NAA16: variants seen among roughly 807,000 people sequenced by gnomAD.
NAA16 encodes NARG1-like protein.
A neutral mutation model predicts 110.3 loss-of-function variants in NAA16; 97 were observed. The observed-to-expected ratio is 0.88, with a 90% CI of 0.75 to 1.04. The LOEUF (loss-of-function observed/expected upper bound fraction) is 1.04, where lower values mean the gene tolerates loss of function less well. Ranked by LOEUF, NAA16 falls within the 50% of genes least tolerant of loss-of-function variation. The pLI is 0.00. For missense variants in NAA16, 1,017 were observed against 1,005.1 expected (o/e 1.01, Z -0.16); for synonymous variants, 372 against 330.6 (o/e 1.13, Z -1.36).
At position 41,316,904 on chromosome 13, in the gene NAA16, C is replaced by G; in HGVS notation, c.113C>G (p.Ser38Trp). ...NGLKFCKMILSNPKFAEHGET... is the reference protein window; with the variant it reads ...NGLKFCKMILWNPKFAEHGET... Reference sequence around the variant, plus strand: ...CTCAAGTTTTGCAAGATGATTCTGTCGAACCCAAAATTTGCTGAACATGGA... The same window carrying G: ...CTCAAGTTTTGCAAGATGATTCTGTGGAACCCAAAATTTGCTGAACATGGA... Residue 38 changes from serine to tryptophan, a missense_variant, in exon 2 of 20, where the codon TCG becomes TGG. Transcript: ENST00000379406. 6 of 1,613,346 alleles carry G rather than the reference C, an allele frequency of 3.7e-6. No homozygotes were observed. The highest frequency in any genetic ancestry group is 5.1e-6 in the Non-Finnish European group (6 of 1,179,468).
chr13:41,359,632 G>A (rs977062634), intron 12 of NAA16, among the ~76,000 whole-genome samples: 2 of 152,142 alleles, frequency 1.3e-5, no homozygotes, highest in Admixed American at 6.5e-5. Context: ...AGTTACTCCT[G>A]TTGGGGAAAA....
At chr13:41,352,677 A>C (rs2042868741) in intron 9 of NAA16, among the ~76,000 whole-genome samples, 1 of 152,140 alleles carries the variant, frequency 6.6e-6, no homozygotes, top group Non-Finnish European at 1.5e-5. Flanking sequence ...ATTTATGTAT[A>C]TATAAAATAT....
intron 14 of NAA16, among the ~76,000 whole-genome samples, chr13:41,367,897 T>C (rs1483814197): frequency 6.6e-6 from 1 of 152,150 alleles, no homozygotes; most frequent in Non-Finnish European, 1.5e-5. Flanking sequence ...ATTTTTGTCT[T>C]CAGAAAGACC....
At chr13:41,347,136 A>G (rs1004779458) in intron 9 of NAA16, among the ~76,000 whole-genome samples, 2 of 151,438 alleles carry the variant, frequency 1.3e-5, no homozygotes, top group Admixed American at 1.3e-4. Context: ...GAATCACTTG[A>G]ACCCAGGAGG....
chr13:41,327,890 T>C (rs1285886270), intron 6 of NAA16: 1 of 151,824 alleles, frequency 6.6e-6, no homozygotes, highest in Non-Finnish European at 1.5e-5. Flanking sequence ...GAGTGATATA[T>C]GATATAAAAA....
intron 9 of NAA16, among the ~76,000 whole-genome samples, chr13:41,349,657 T>C (rs1336635725): frequency 6.6e-6 from 1 of 152,182 alleles, no homozygotes; most frequent in East Asian, 1.9e-4. Context: ...GGTAACAGTC[T>C]GTATACTTTT....
intron 13 of NAA16, among the ~76,000 whole-genome samples, chr13:41,363,359 C>A (rs185230168): frequency 6.6e-6 from 1 of 152,086 alleles, no homozygotes; most frequent in African/African-American, 2.4e-5. Flanking sequence ...TAGGCACTTA[C>A]GAATTAGTAA....
chr13:41,364,237 A>G (rs1280553071), intron 13 of NAA16, among the ~76,000 whole-genome samples: 1 of 152,168 alleles, frequency 6.6e-6, no homozygotes, highest in African/African-American at 2.4e-5. Context: ...ATAAGTTCAA[A>G]TAAGGGTTAG....
chr13:41,369,665 A>G (rs1188253880), intron 15 of NAA16, among the ~76,000 whole-genome samples: 1 of 152,148 alleles, frequency 6.6e-6, no homozygotes, highest in Non-Finnish European at 1.5e-5. Context: ...AAGGGGCCTT[A>G]AAAGTTGAGG....
chr13:41,333,040 G>C (rs2139419813), intron 8 of NAA16, among the ~76,000 whole-genome samples: 1 of 152,164 alleles, frequency 6.6e-6, no homozygotes. Context: ...GTGTTAGTGT[G>C]CTTTTGCTGT....
chr13:41,342,790 T>C (rs1418132050), intron 9 of NAA16, among the ~76,000 whole-genome samples: 1 of 152,202 alleles, frequency 6.6e-6, no homozygotes, highest in Non-Finnish European at 1.5e-5. Context: ...ACACAACTAA[T>C]GTGTGTTGTG....
chr13:41,323,553 C>G (rs984943976), intron 5 of NAA16, among the ~76,000 whole-genome samples: 1 of 151,614 alleles, frequency 6.6e-6, no homozygotes, highest in Non-Finnish European at 1.5e-5. Flanking sequence ...AGGGTTTCAC[C>G]GTGTTAGCCA....
chr13:41,338,779 A>G (rs1000709896), intron 9 of NAA16, among the ~76,000 whole-genome samples: 4 of 152,036 alleles, frequency 2.6e-5, no homozygotes, highest in African/African-American at 7.2e-5. Context: ...AATTATTTCA[A>G]TAGATTTTGG....
rs776020801 is a variant in NAA16 at position 41,331,342 on chromosome 13, A to G, written c.880A>G (p.Arg294Gly). 3.7e-6 allele frequency: 6 copies of G among 1,608,790 alleles called. No individual in the cohort carries two copies. The highest frequency in any genetic ancestry group is 2.2e-5 in the South Asian group (2 of 90,110). Residue 294 changes from arginine (R) to glycine (G), a missense_variant, in exon 8 of 20, where the codon AGA becomes GGA. Coordinates refer to ENST00000379406, the MANE Select transcript of NAA16 (RefSeq NM_024561.5). ...GCAGCACCCCAAAGCAATTACACCCAGAAGATTACCTTTGACTCTTGTCCC... is the reference window on the plus strand; with the variant it reads ...GCAGCACCCCAAAGCAATTACACCCGGAAGATTACCTTTGACTCTTGTCCC... ...SKQHPKAITP[R>G]RLPLTLVPGE...
intron 2 of NAA16, among the ~76,000 whole-genome samples, chr13:41,317,339 GT>G (rs961069534): frequency 7.0e-6 from 1 of 143,042 alleles, no homozygotes; most frequent in African/African-American, 2.9e-5. Flanking sequence ...GTTTTGTTTT[GT>G]TTTTTTTTAG....
At position 41,369,292 on chromosome 13, in the gene NAA16, G is replaced by T; in HGVS notation, c.1947+9G>T. 6.5e-7 allele frequency: 1 copy of T among 1,527,518 alleles called. No individual in the cohort carries two copies. Among genetic ancestry groups the T allele is most frequent in the South Asian group, 1.3e-5 (1 of 75,448 alleles). The allele number at this position is 1,527,518 out of a possible 1,614,324, so 94.6% of individuals were successfully genotyped here. ...CTGAAAAATTAGAAAGGGTGAGATG[G>T]GTTTTACTATCTTTGTTATTTGGTA... On this transcript the variant is annotated intron_variant, in intron 15 of 19. Transcript: ENST00000379406.
At chr13:41,375,326 T>A in intron 19 of NAA16, 79 bp from the exon 20 acceptor site, 1 of 989,050 alleles carries the variant, frequency 1.0e-6, no homozygotes, top group South Asian at 1.6e-5. Flanking sequence ...TTTAACACAT[T>A]GCATCTTTTG....
At chr13:41,346,443 C>T (rs1187957902) in intron 9 of NAA16, among the ~76,000 whole-genome samples, 2 of 152,206 alleles carry the variant, frequency 1.3e-5, no homozygotes, top group African/African-American at 2.4e-5. Context: ...CAGTTTATCA[C>T]ACAGGTCCTA....
At chr13:41,362,310 T>A in intron 13 of NAA16, 151 bp downstream of exon 13, 1 of 709,112 alleles carries the variant, frequency 1.4e-6, no homozygotes, top group Non-Finnish European at 2.2e-6. Context: ...TCAGAAGTTG[T>A]AAACAATGGA....
Sources: gnomAD v4.1 joint callset for allele counts (sites outside exome capture counted in the v4.1 genomes callset) on GRCh38, gnomAD v4.1.1 for gene constraint, MANE v1.5 for transcripts, NCBI Gene and HGNC (gene_info 2026-07-23, HGNC 2026-07-21) for gene names.